DPP10: variants seen among roughly 807,000 people sequenced by gnomAD.
DPP10 encodes the protein inactive dipeptidyl peptidase 10.
Under a neutral mutation model 120.9 loss-of-function variants are expected in DPP10, and 33 were observed. The ratio of observed to expected loss-of-function variants is 0.27; its 90% CI spans 0.21 to 0.37. The LOEUF (loss-of-function observed/expected upper bound fraction) is 0.37. Ranked by LOEUF, DPP10 falls within the 10% of genes least tolerant of loss-of-function variation. The pLI, the probability that DPP10 is intolerant of heterozygous loss-of-function variation, is 1.00. For synonymous variants in DPP10, 337 were observed against 326.1 expected (o/e 1.03, Z -0.36); for missense variants, 816 against 942.8 (o/e 0.87, Z 1.76).
chr2:115,089,999 A>C lies in DPP10; in HGVS notation c.61-219240A>C, dbSNP rs999578609. On this transcript the variant is annotated intron_variant, in intron 1 of 25. Transcript: ENST00000410059. Reference sequence around the variant, plus strand: ...TCTACAGCAACTCAGTATCTAGTACATCACAGGGACTGCCCAGTAAATGAT... The same window carrying C: ...TCTACAGCAACTCAGTATCTAGTACCTCACAGGGACTGCCCAGTAAATGAT... Among the ~76,000 whole-genome samples, 8 of 151,288 alleles carry C rather than the reference A, an allele frequency of 5.3e-5. No individual in the cohort carries two copies. The East Asian group carries it at 7.7e-4, about 15-fold the overall frequency.
intron 4 of DPP10, among the ~76,000 whole-genome samples, chr2:115,510,163 T>C (rs1371020697): frequency 2.6e-5 from 4 of 152,200 alleles, no homozygotes; most frequent in African/African-American, 7.2e-5. Flanking sequence ...CACTTTCTGA[T>C]TGGTGTCTTT....
At chr2:115,165,211 T>C (rs943204418) in intron 1 of DPP10, among the ~76,000 whole-genome samples, 1 of 152,212 alleles carries the variant, frequency 6.6e-6, no homozygotes. Flanking sequence ...CTTGAATGTA[T>C]TTTTCTATTT....
chr2:115,279,253 C>A (rs188757133), intron 1 of DPP10, among the ~76,000 whole-genome samples: 1 of 152,218 alleles, frequency 6.6e-6, no homozygotes, highest in African/African-American at 2.4e-5. Flanking sequence ...GAAATAGACA[C>A]AAGGGAACAC....
intron 3 of DPP10, among the ~76,000 whole-genome samples, chr2:115,399,722 A>C (rs1004976422): frequency 6.6e-6 from 1 of 152,142 alleles, no homozygotes; most frequent in Admixed American, 6.6e-5. Context: ...AGGAAGGAAA[A>C]TTTTTATTTC....
intron 3 of DPP10, among the ~76,000 whole-genome samples, chr2:115,381,858 G>A (rs1477594404): frequency 6.6e-6 from 1 of 152,048 alleles, no homozygotes; most frequent in African/African-American, 2.4e-5. Flanking sequence ...TCCCAGTTAG[G>A]CTTCTCGGGG....
intron 1 of DPP10, among the ~76,000 whole-genome samples, chr2:114,946,719 A>G (rs1277227272): frequency 6.6e-6 from 1 of 151,798 alleles, no homozygotes. Context: ...TTTTGTTCCT[A>G]TCTTAATGAA....
chr2:115,633,936 A>C (rs2086106043), intron 5 of DPP10, among the ~76,000 whole-genome samples: 2 of 151,984 alleles, frequency 1.3e-5, no homozygotes, highest in Non-Finnish European at 2.9e-5. Context: ...TCATAGGTTC[A>C]GTCTTTTTAC....
chr2:115,271,263 A>G (rs1329207885), intron 1 of DPP10, among the ~76,000 whole-genome samples: 1 of 152,226 alleles, frequency 6.6e-6, no homozygotes, highest in Non-Finnish European at 1.5e-5. Flanking sequence ...ATCAATACTG[A>G]TAGTTTTAAG....
chr2:114,653,279 G>A (rs1280915851), intron 1 of DPP10, among the ~76,000 whole-genome samples: 1 of 152,094 alleles, frequency 6.6e-6, no homozygotes. Flanking sequence ...CATGATGCTG[G>A]AGGCAGAGAT....
At chr2:114,625,137 A>G (rs1244148094) in intron 1 of DPP10, among the ~76,000 whole-genome samples, 2 of 152,014 alleles carry the variant, frequency 1.3e-5, no homozygotes, top group Non-Finnish European at 2.9e-5. Context: ...GTTGGCTGAC[A>G]TTGCTAAAGT....
At chr2:114,845,469 C>G (rs1170687668) in intron 1 of DPP10, among the ~76,000 whole-genome samples, 1 of 152,120 alleles carries the variant, frequency 6.6e-6, no homozygotes, top group Non-Finnish European at 1.5e-5. Flanking sequence ...ACTTCCAAAA[C>G]AAGTACCCTC....
At chr2:115,325,648 A>G (rs1011762461) in intron 2 of DPP10, among the ~76,000 whole-genome samples, 1 of 152,172 alleles carries the variant, frequency 6.6e-6, no homozygotes, top group Admixed American at 6.6e-5. Context: ...TAAAATGTGT[A>G]TTAATTTATT....
intron 5 of DPP10, among the ~76,000 whole-genome samples, chr2:115,561,734 T>C (rs1175885272): frequency 2.6e-5 from 4 of 152,192 alleles, no homozygotes; most frequent in Non-Finnish European, 5.9e-5. Flanking sequence ...GTATTATTGA[T>C]TTTCTTCTTA....
intron 1 of DPP10, among the ~76,000 whole-genome samples, chr2:114,732,424 T>C (rs1443836556): frequency 6.6e-6 from 1 of 152,170 alleles, no homozygotes; most frequent in Non-Finnish European, 1.5e-5. Flanking sequence ...CAAGAGCTTT[T>C]ACAGACCAAA....
chr2:115,391,806 G>A (rs1309095941), intron 3 of DPP10, among the ~76,000 whole-genome samples: 1 of 152,082 alleles, frequency 6.6e-6, no homozygotes, highest in African/African-American at 2.4e-5. Context: ...AAGATGAGTT[G>A]TGGGGGTGGA....
At chr2:115,807,389 T>C (rs929285252) in intron 19 of DPP10, among the ~76,000 whole-genome samples, 3 of 152,160 alleles carry the variant, frequency 2.0e-5, no homozygotes, top group Non-Finnish European at 2.9e-5. Context: ...CATTTCTGAG[T>C]TTTAGAGCTG....
intron 1 of DPP10, among the ~76,000 whole-genome samples, chr2:114,641,101 C>T (rs543444876): frequency 2.0e-5 from 3 of 152,064 alleles, no homozygotes; most frequent in Non-Finnish European, 4.4e-5. Context: ...CACAACAATC[C>T]TATAAAAGAG....
At chr2:114,656,292 A>G (rs570456272) in intron 1 of DPP10, among the ~76,000 whole-genome samples, 3 of 152,230 alleles carry the variant, frequency 2.0e-5, no homozygotes, top group Admixed American at 6.5e-5. Context: ...GAATTTAGAC[A>G]GTCAACGAGC....
chr2:114,688,874 C>T (rs1699546148), intron 1 of DPP10, among the ~76,000 whole-genome samples: 1 of 151,574 alleles, frequency 6.6e-6, no homozygotes, highest in African/African-American at 2.4e-5. Flanking sequence ...ACATATTTTT[C>T]ATTGATATTT....
Sources: gnomAD v4.1 joint callset for allele counts (sites outside exome capture counted in the v4.1 genomes callset) on GRCh38, gnomAD v4.1.1 for gene constraint, MANE v1.5 for transcripts, NCBI Gene and HGNC (gene_info 2026-07-23, HGNC 2026-07-21) for gene names.